UCK2: variants seen among roughly 807,000 people sequenced by gnomAD.
UCK2 encodes the protein uridine-cytidine kinase 2.
UCK2 carries 6 observed loss-of-function variants against 30.8 expected under a neutral mutation model. The observed-to-expected ratio is 0.19, with a 90% CI of 0.11 to 0.38. The LOEUF (loss-of-function observed/expected upper bound fraction) is 0.38, where lower values mean the gene tolerates loss of function less well. Among genes scored for constraint, UCK2 ranks in the 10% least tolerant of loss-of-function variants. UCK2 has a pLI of 1.00. For missense variants in UCK2, 210 were observed against 339.8 expected, an observed-to-expected ratio of 0.62 and a Z score of 3.00; for synonymous variants, 125 against 133.6, an observed-to-expected ratio of 0.94 and a Z score of 0.45.
intron 1 of UCK2, chr1:165,885,051 A>G (rs1655584971): frequency 7.9e-6 from 2 of 252,638 alleles, no homozygotes; most frequent in Non-Finnish European, 1.5e-5. Context: ...TTCAACATAA[A>G]TGTTGACTTT....
intron 1 of UCK2, among the ~76,000 whole-genome samples, chr1:165,863,449 A>G (rs1311287330): frequency 1.3e-5 from 2 of 152,196 alleles, no homozygotes; most frequent in Non-Finnish European, 2.9e-5. Flanking sequence ...TCAGTATTTC[A>G]TCAGCAGTAT....
chr1:165,901,584 G>C (rs1647468329), intron 4 of UCK2, among the ~76,000 whole-genome samples: 1 of 152,202 alleles, frequency 6.6e-6, no homozygotes, highest in African/African-American at 2.4e-5. Flanking sequence ...GGTTGGGAAG[G>C]AGCTGAAGAG....
chr1:165,877,964 T>C (rs1222084971), intron 1 of UCK2, among the ~76,000 whole-genome samples: 1 of 152,214 alleles, frequency 6.6e-6, no homozygotes, highest in Non-Finnish European at 1.5e-5. Context: ...GTCACAGTCA[T>C]GAACCTACAT....
At chr1:165,889,327 C>T (rs931469323) in intron 1 of UCK2, among the ~76,000 whole-genome samples, 11 of 152,204 alleles carry the variant, frequency 7.2e-5, no homozygotes, top group African/African-American at 2.4e-4. Flanking sequence ...TTTTTGGTTC[C>T]GTTGATATAA....
At chr1:165,873,055 A>G (rs1255028939) in intron 1 of UCK2, among the ~76,000 whole-genome samples, 1 of 152,240 alleles carries the variant, frequency 6.6e-6, no homozygotes, top group Admixed American at 6.5e-5. Flanking sequence ...AATGTTAATT[A>G]TAAAAAGTAA....
At chr1:165,832,414 T>C (rs1654073257) in intron 1 of UCK2, among the ~76,000 whole-genome samples, 1 of 152,194 alleles carries the variant, frequency 6.6e-6, no homozygotes, top group Non-Finnish European at 1.5e-5. Flanking sequence ...AAAGAAGGTC[T>C]CTGTCCTTAG....
intron 1 of UCK2, among the ~76,000 whole-genome samples, chr1:165,841,897 A>G (rs1654340404): frequency 6.6e-6 from 1 of 152,168 alleles, no homozygotes; most frequent in Non-Finnish European, 1.5e-5. Flanking sequence ...AGTCTCGTGC[A>G]CAGGGAGGGC....
At chr1:165,867,207 T>C (rs1655069537) in intron 1 of UCK2, among the ~76,000 whole-genome samples, 1 of 152,272 alleles carries the variant, frequency 6.6e-6, no homozygotes, top group African/African-American at 2.4e-5. Context: ...TTATTGCTAA[T>C]GGTCATCTGA....
intron 1 of UCK2, among the ~76,000 whole-genome samples, chr1:165,848,949 A>G (rs1654524710): frequency 6.6e-6 from 1 of 152,056 alleles, no homozygotes; most frequent in Non-Finnish European, 1.5e-5. Flanking sequence ...GCAAATTAAT[A>G]TGATTATGAA....
At chr1:165,865,398 C>T (rs761026760) in intron 1 of UCK2, among the ~76,000 whole-genome samples, 3 of 152,096 alleles carry the variant, frequency 2.0e-5, no homozygotes, top group East Asian at 1.9e-4. Context: ...CTGAAAGGCC[C>T]TCCACCCCCT....
chr1:165,886,065 CA>C (rs1375534192), intron 1 of UCK2, among the ~76,000 whole-genome samples: 1 of 152,126 alleles, frequency 6.6e-6, no homozygotes, highest in East Asian at 1.9e-4. Context: ...CAGCCCCTGG[CA>C]ACCACCATTT....
intron 1 of UCK2, among the ~76,000 whole-genome samples, chr1:165,844,799 AT>A (rs1654409135): frequency 1.3e-5 from 2 of 152,318 alleles, no homozygotes; most frequent in South Asian, 4.1e-4. Context: ...GAGCATCCAG[AT>A]AGCAGAACAG....
At chr1:165,851,139 T>A (rs1367697711) in intron 1 of UCK2, among the ~76,000 whole-genome samples, 2 of 152,090 alleles carry the variant, frequency 1.3e-5, no homozygotes, top group Non-Finnish European at 1.5e-5. Flanking sequence ...CTGCTCCCCC[T>A]GTTATCTCTG....
intron 1 of UCK2, among the ~76,000 whole-genome samples, chr1:165,853,214 A>G (rs1048908110): frequency 6.6e-6 from 1 of 152,180 alleles, no homozygotes; most frequent in Non-Finnish European, 1.5e-5. Context: ...TCCCAAATCT[A>G]ATCAGAGATG....
At chr1:165,877,487 G>A (rs1017044785) in intron 1 of UCK2, among the ~76,000 whole-genome samples, 6 of 152,076 alleles carry the variant, frequency 3.9e-5, no homozygotes, top group Non-Finnish European at 7.3e-5. Context: ...ACCACTAATC[G>A]TTCCACAATT....
At chr1:165,855,665 C>T (rs1023922935) in intron 1 of UCK2, among the ~76,000 whole-genome samples, 4 of 152,030 alleles carry the variant, frequency 2.6e-5, no homozygotes, top group African/African-American at 4.8e-5. Context: ...TCTTGCTGTG[C>T]GTGAGCTGCT....
At chr1:165,878,519 CG>C (rs1432743120) in intron 1 of UCK2, among the ~76,000 whole-genome samples, 3 of 151,990 alleles carry the variant, frequency 2.0e-5, no homozygotes, top group Non-Finnish European at 2.9e-5. Context: ...TTAGTGGAGA[CG>C]GGGTTTGGTG....
chr1:165,898,039 G>T (rs995421519), intron 4 of UCK2: 1 of 152,062 alleles, frequency 6.6e-6, no homozygotes, highest in African/African-American at 2.4e-5. Context: ...ATAGATAATT[G>T]AACCCTGAGC....
chr1:165,895,328 C>T (rs1412612356), intron 3 of UCK2, among the ~76,000 whole-genome samples: 3 of 152,094 alleles, frequency 2.0e-5, no homozygotes, highest in African/African-American at 4.8e-5. Context: ...GCGGGAGGAT[C>T]GCCTGAGCCT....
Sources: allele counts gnomAD v4.1 joint callset (sites outside exome capture counted in the v4.1 genomes callset), GRCh38; gene constraint gnomAD v4.1.1; transcripts MANE v1.5; gene names NCBI Gene and HGNC (gene_info 2026-07-23, HGNC 2026-07-21).